The following ECT2L variants were observed in gnomAD, a reference collection of about 807,000 sequenced individuals.
ECT2L encodes epithelial cell-transforming sequence 2 oncogene-like.
A neutral mutation model predicts 122.8 loss-of-function variants in ECT2L; 126 were observed. The observed-to-expected ratio is 1.03, with a 90% confidence interval of 0.89 to 1.19. The LOEUF (loss-of-function observed/expected upper bound fraction) is 1.19, where lower values mean the gene tolerates loss of function less well. Among genes scored for constraint, ECT2L ranks in the 50% most tolerant of loss-of-function variants. The pLI, the probability that ECT2L is intolerant of heterozygous loss-of-function variation, is 0.00. For synonymous variants in ECT2L, 385 were observed against 381.8 expected (o/e 1.01, Z -0.10); for missense variants, 1,012 against 1,064.1 (o/e 0.95, Z 0.68).
intron 4 of ECT2L, among the ~76,000 whole-genome samples, chr6:138,816,163 CACAT>C (rs1776060434): frequency 6.6e-6 from 1 of 152,212 alleles, no homozygotes; most frequent in Non-Finnish European, 1.5e-5. Context: ...GACCAGACCT[CACAT>C]TTATAACCAC....
chr6:138,814,103 C>CAATTAAATG (rs1167201836), intron 3 of ECT2L, among the ~76,000 whole-genome samples: 1 of 152,164 alleles, frequency 6.6e-6, no homozygotes, highest in Non-Finnish European at 1.5e-5. Context: ...TCTGTTTTCA[C>CAATTAAATG]AATTAAATGA....
At chr6:138,821,921 A>G (rs1776281116) in intron 4 of ECT2L, among the ~76,000 whole-genome samples, 2 of 152,258 alleles carry the variant, frequency 1.3e-5, no homozygotes, top group African/African-American at 4.8e-5. Flanking sequence ...ACATGAGCCA[A>G]GGAAGGCAGG....
At chr6:138,822,622 G>A in intron 4 of ECT2L, 1 of 736,554 alleles carries the variant, frequency 1.4e-6, no homozygotes, top group Non-Finnish European at 2.2e-6. Flanking sequence ...GGGTCAGCAA[G>A]AATAAAAACA....
chr6:138,873,493 T>C (rs576789338), intron 13 of ECT2L, among the ~76,000 whole-genome samples: 17 of 152,336 alleles, frequency 1.1e-4, no homozygotes, highest in African/African-American at 3.6e-4. Context: ...TCTGAGATAA[T>C]TGCTTTAAAG....
At chr6:138,866,149 GTTT>G (rs56300933) in intron 12 of ECT2L, among the ~76,000 whole-genome samples, 1 of 134,414 alleles carries the variant, frequency 7.4e-6, no homozygotes, top group Non-Finnish European at 1.6e-5. Context: ...ATTTTTCATA[GTTT>G]TTTTTTTTTT....
At chr6:138,817,769 C>G (rs1051723118) in intron 4 of ECT2L, among the ~76,000 whole-genome samples, 1 of 152,150 alleles carries the variant, frequency 6.6e-6, no homozygotes, top group Non-Finnish European at 1.5e-5. Flanking sequence ...TAAACCATCC[C>G]TCTGGCAAAC....
At chr6:138,848,071 AACTC>A (rs1304392813) in intron 8 of ECT2L, among the ~76,000 whole-genome samples, 1 of 152,106 alleles carries the variant, frequency 6.6e-6, no homozygotes, top group Non-Finnish European at 1.5e-5. Context: ...ATCTCATGAA[AACTC>A]ACTCAGTGTC....
intron 1 of ECT2L, among the ~76,000 whole-genome samples, chr6:138,798,253 C>T (rs1042072196): frequency 1.3e-5 from 2 of 152,156 alleles, no homozygotes; most frequent in African/African-American, 4.8e-5. Context: ...AACTTGAGCC[C>T]TTCTCTCTTC....
chr6:138,802,205 G>C (rs1344152000), intron 1 of ECT2L, among the ~76,000 whole-genome samples: 1 of 152,248 alleles, frequency 6.6e-6, no homozygotes, highest in Non-Finnish European at 1.5e-5. Context: ...AGGAGGAACT[G>C]TATCCCTCCA....
intron 20 of ECT2L, among the ~76,000 whole-genome samples, chr6:138,895,676 T>C (rs1291990651): frequency 6.6e-6 from 1 of 152,084 alleles, no homozygotes; most frequent in Non-Finnish European, 1.5e-5. Context: ...GTTCAAGCGA[T>C]TCTCATGCCT....
At position 138,885,841 on chromosome 6, in the gene ECT2L, G is replaced by A; in HGVS notation, c.2259+11G>A. 6.2e-7 allele frequency: 1 copy of A among 1,610,006 alleles called. No individual in the cohort carries two copies. Among genetic ancestry groups the A allele is most frequent in the Non-Finnish European group, 8.5e-7 (1 of 1,178,092 alleles). ...GGTTATATAGATCAGGTTGGTTGCT[G>A]ATAAGAATCTGTGTCCTTTAAACAT... is the stretch of plus-strand genomic sequence containing the variant. On this transcript the variant is annotated intron_variant, in intron 18 of 21. Transcript: ENST00000541398.
intron 5 of ECT2L, among the ~76,000 whole-genome samples, chr6:138,839,060 A>G (rs769796261): frequency 1.4e-4 from 21 of 152,198 alleles, no homozygotes; most frequent in African/African-American, 5.1e-4. Flanking sequence ...GATTACAGGC[A>G]TGAGCCACCG....
At chr6:138,843,366 G>A in intron 6 of ECT2L, 135 bp downstream of exon 6, 1 of 855,424 alleles carries the variant, frequency 1.2e-6, no homozygotes, top group South Asian at 2.8e-5. Flanking sequence ...TTCCAGATGA[G>A]CTTTTTTCCG....
chr6:138,890,656 T>C (rs548729559), intron 20 of ECT2L, among the ~76,000 whole-genome samples: 2 of 152,174 alleles, frequency 1.3e-5, no homozygotes, highest in African/African-American at 4.8e-5. Flanking sequence ...TCTACATTCA[T>C]GTATTCCTTC....
chr6:138,851,270 C>T (rs899564099), intron 9 of ECT2L, among the ~76,000 whole-genome samples: 4 of 151,886 alleles, frequency 2.6e-5, no homozygotes, highest in Non-Finnish European at 4.4e-5. Flanking sequence ...CTTATTGTAG[C>T]CTTGAACTCC....
intron 10 of ECT2L, among the ~76,000 whole-genome samples, chr6:138,859,825 C>CT (rs34225355): frequency 4.4e-5 from 6 of 136,918 alleles, no homozygotes; most frequent in African/African-American, 5.5e-5. Flanking sequence ...TTTTTTTCTT[C>CT]TTTTTTTTGA....
At chr6:138,835,986 C>G (rs546682499) in intron 4 of ECT2L, among the ~76,000 whole-genome samples, 16 of 152,128 alleles carry the variant, frequency 1.1e-4, no homozygotes, top group African/African-American at 3.9e-4. Context: ...GAATGACCCT[C>G]GATTTCTGGT....
At chr6:138,842,812 A>C (rs1465095408) in intron 5 of ECT2L, among the ~76,000 whole-genome samples, 167 bp from the exon 6 acceptor site, 1 of 152,214 alleles carries the variant, frequency 6.6e-6, no homozygotes, top group African/African-American at 2.4e-5. Context: ...TAAAACTTTC[A>C]ATTTTATATA....
intron 9 of ECT2L, among the ~76,000 whole-genome samples, chr6:138,852,587 G>A (rs1228805924): frequency 6.6e-6 from 1 of 152,190 alleles, no homozygotes; most frequent in African/African-American, 2.4e-5. Flanking sequence ...CATCTCTGTG[G>A]TTGGGACTTC....
Sources: allele counts gnomAD v4.1 joint callset (sites outside exome capture counted in the v4.1 genomes callset), GRCh38; gene constraint gnomAD v4.1.1; transcripts MANE v1.5; gene names NCBI Gene and HGNC (gene_info 2026-07-23, HGNC 2026-07-21).